Variants in MAGI1 observed in about 807,000 individuals in gnomAD.
MAGI1 encodes the protein membrane-associated guanylate kinase, WW and PDZ domain-containing protein 1.
A neutral mutation model predicts 139.9 loss-of-function variants in MAGI1; 58 were observed. That is an observed-to-expected ratio of 0.41 (90% CI 0.34 to 0.52). The LOEUF (loss-of-function observed/expected upper bound fraction) is 0.52. Ranked by LOEUF, MAGI1 falls within the 20% of genes least tolerant of loss-of-function variation. The pLI, the probability that MAGI1 is intolerant of heterozygous loss-of-function variation, is 0.12. For synonymous variants in MAGI1, 812 were observed against 737.9 expected (o/e 1.10, Z -1.63); for missense variants, 1,874 against 1,901.6 (o/e 0.99, Z 0.27).
intron 1 of MAGI1, among the ~76,000 whole-genome samples, chr3:65,905,921 TAAGA>T: frequency 6.6e-6 from 1 of 152,222 alleles, no homozygotes; most frequent in South Asian, 2.1e-4. Flanking sequence ...TTTCCGGATA[TAAGA>T]AAGAGTTCTC....
intron 18 of MAGI1, among the ~76,000 whole-genome samples, chr3:65,370,623 T>G (rs1048694174): frequency 2.7e-4 from 41 of 152,060 alleles, no homozygotes; most frequent in Non-Finnish European, 5.9e-5. Context: ...GGCTTAAAAG[T>G]TTTTTTTCCA....
At chr3:65,586,452 A>G (rs932380163) in intron 2 of MAGI1, among the ~76,000 whole-genome samples, 1 of 152,162 alleles carries the variant, frequency 6.6e-6, no homozygotes, top group African/African-American at 2.4e-5. Context: ...TTATTATTCT[A>G]TAGTTTGAAT....
At chr3:65,467,554 C>T (rs114993252) in intron 5 of MAGI1, among the ~76,000 whole-genome samples, 333 of 152,208 alleles carry the variant, frequency 2.2e-3, no homozygotes, top group African/African-American at 7.5e-3. Context: ...TCTACTAAAC[C>T]TTAGGTAAAT....
At chr3:66,015,169 C>G (rs924828771) in intron 1 of MAGI1, among the ~76,000 whole-genome samples, 1 of 127,196 alleles carries the variant, frequency 7.9e-6, no homozygotes, top group African/African-American at 3.0e-5. Context: ...ACAGTGAGAC[C>G]CTGTCTCTAC....
At chr3:65,558,720 C>G (rs1396112686) in intron 2 of MAGI1, among the ~76,000 whole-genome samples, 1 of 152,062 alleles carries the variant, frequency 6.6e-6, no homozygotes, top group African/African-American at 2.4e-5. Flanking sequence ...GATTTGGGAC[C>G]CCATCCTGAT....
chr3:65,633,120 G>A (rs530450664), intron 1 of MAGI1, among the ~76,000 whole-genome samples: 1 of 152,100 alleles, frequency 6.6e-6, no homozygotes, highest in Non-Finnish European at 1.5e-5. Context: ...TGGACCAATG[G>A]TCTCAGCCAC....
intron 1 of MAGI1, among the ~76,000 whole-genome samples, chr3:65,629,411 G>C (rs757845435): frequency 5.3e-5 from 8 of 152,232 alleles, no homozygotes; most frequent in Middle Eastern, 3.4e-3. Context: ...CAATGCTAAG[G>C]AGAACCTGCA....
chr3:65,509,577 G>A (rs535093884), intron 2 of MAGI1, among the ~76,000 whole-genome samples: 3 of 152,200 alleles, frequency 2.0e-5, no homozygotes, highest in Non-Finnish European at 4.4e-5. Context: ...ACTCCCACCC[G>A]AATATTTCGC....
In MAGI1 at chr3:65,389,565, C is replaced by T. The variant is rs144826482; in HGVS notation, c.2416+1577G>A. On this transcript the variant is annotated intron_variant, in intron 14 of 22. Transcript: ENST00000402939. ...GAGAAATGCGCGGGGAATGTGAAAA[C>T]GCTCCTCTTTGGAAATATCTCTTAA... Among the ~76,000 whole-genome samples, 410 of 152,252 alleles carry T rather than the reference C, an allele frequency of 2.7e-3. 1 individual carries two copies. The highest frequency in any genetic ancestry group is 9.2e-3 in the African/African-American group (384 of 41,536).
intron 2 of MAGI1, among the ~76,000 whole-genome samples, chr3:65,560,974 TCTTAGGGATACAAAA>T (rs2080319324): frequency 6.6e-6 from 1 of 152,186 alleles, no homozygotes; most frequent in Admixed American, 6.5e-5. Context: ...CTTCAGTAAT[TCTTAGGGATACAAAA>T]CTATCAGTAT....
chr3:65,785,647 T>C (rs2039318699), intron 1 of MAGI1, among the ~76,000 whole-genome samples: 1 of 152,202 alleles, frequency 6.6e-6, no homozygotes, highest in Admixed American at 6.5e-5. Flanking sequence ...GTTCTATCTC[T>C]AGCACCTGGA....
At chr3:65,714,475 C>T (rs1027890420) in intron 1 of MAGI1, among the ~76,000 whole-genome samples, 3 of 152,086 alleles carry the variant, frequency 2.0e-5, no homozygotes, top group Non-Finnish European at 4.4e-5. Context: ...CTTCGAATCA[C>T]CCTCCTCAGG....
rs529978703 is a variant in MAGI1, at chr3:65,453,171, C to A, written c.1042+87G>T. The A allele has an allele frequency of 9.5e-5, 111 of 1,162,356 alleles. No homozygotes were observed. In the Admixed American group the frequency reaches 1.9e-3, roughly 20 times the overall value. 72.0% of individuals were successfully genotyped at this position (1,162,356 alleles called of 1,614,324 possible). ...CCTTTTAAAAACTCAACATAAGACC[C>A]GACTGACCTGGCTACGACTCTTTAA... On this transcript the variant is annotated intron_variant, in intron 6 of 22. Coordinates refer to ENST00000402939, the MANE Select transcript of MAGI1 (RefSeq NM_001033057.2).
At chr3:65,930,251 G>C (rs1164763755) in intron 1 of MAGI1, among the ~76,000 whole-genome samples, 1 of 147,372 alleles carries the variant, frequency 6.8e-6, no homozygotes, top group East Asian at 2.0e-4. Flanking sequence ...GGGAGGCGGA[G>C]CTTGCAGTGA....
At chr3:66,027,241 C>T (rs1036916885) in intron 1 of MAGI1, among the ~76,000 whole-genome samples, 1 of 151,338 alleles carries the variant, frequency 6.6e-6, no homozygotes, top group Non-Finnish European at 1.5e-5. Context: ...GCACTCCAAG[C>T]TGGGTGACAA....
chr3:65,950,717 T>C (rs1453682059), intron 1 of MAGI1, among the ~76,000 whole-genome samples: 1 of 152,138 alleles, frequency 6.6e-6, no homozygotes, highest in Non-Finnish European at 1.5e-5. Context: ...TACCCCCCAC[T>C]GGTCGGCAAA....
chr3:65,795,412 C>A (rs1191994662), intron 1 of MAGI1, among the ~76,000 whole-genome samples: 1 of 152,046 alleles, frequency 6.6e-6, no homozygotes, highest in African/African-American at 2.4e-5. Context: ...CAGGTGGCTA[C>A]GCTGCATGAA....
In MAGI1 at chr3:65,702,007, T is replaced by A. The variant is rs906783170; in HGVS notation, c.314-79919A>T. Reference sequence around the variant, plus strand: ...CGCTTGTTATTTTATTTATTTATTTTTTTTGCTCTCCCTAGGATGTGGCCC... The same window carrying A: ...CGCTTGTTATTTTATTTATTTATTTATTTTGCTCTCCCTAGGATGTGGCCC... On this transcript the variant is annotated intron_variant, in intron 1 of 22. Transcript: ENST00000402939. Among the ~76,000 whole-genome samples the A allele has an allele frequency of 1.5e-3, 230 of 152,280 alleles. 2 individuals carry two copies. Among genetic ancestry groups the A allele is most frequent in the African/African-American group, 5.5e-3 (227 of 41,550 alleles).
chr3:65,844,329 C>T, intron 1 of MAGI1: 2 of 319,522 alleles, frequency 6.3e-6, no homozygotes, highest in Non-Finnish European at 1.2e-5. Flanking sequence ...CCTGCCACAT[C>T]TAGATGATCT....
Sources: allele counts gnomAD v4.1 joint callset (sites outside exome capture counted in the v4.1 genomes callset), GRCh38; gene constraint gnomAD v4.1.1; transcripts MANE v1.5; gene names NCBI Gene and HGNC (gene_info 2026-07-23, HGNC 2026-07-21).